Variants in ZSWIM6 observed in about 807,000 individuals in gnomAD.
ZSWIM6 encodes zinc finger SWIM-type containing 6, also known as zinc finger SWIM domain-containing protein 6.
A neutral mutation model predicts 113.2 loss-of-function variants in ZSWIM6; 9 were observed. The ratio of observed to expected loss-of-function variants is 0.08; its 90% CI spans 0.05 to 0.14. The LOEUF is 0.14. Among genes scored for constraint, ZSWIM6 ranks in the 10% least tolerant of loss-of-function variants. ZSWIM6 has a pLI of 1.00. For missense variants in ZSWIM6, 1,162 were observed against 1,552.2 expected, an observed-to-expected ratio of 0.75 and a Z score of 4.22; for synonymous variants, 611 against 606.5, an observed-to-expected ratio of 1.01 and a Z score of -0.11.
At chr5:61,485,677 G>A (rs548801640) in intron 2 of ZSWIM6, among the ~76,000 whole-genome samples, 24 of 152,232 alleles carry the variant, frequency 1.6e-4, no homozygotes, top group Admixed American at 1.3e-4. Flanking sequence ...CATTTCTGCT[G>A]TCATTGCTGT....
intron 1 of ZSWIM6, among the ~76,000 whole-genome samples, chr5:61,400,120 T>A (rs1745914831): frequency 6.6e-6 from 1 of 152,136 alleles, no homozygotes; most frequent in African/African-American, 2.4e-5. Context: ...ACTCTAGAGG[T>A]GGGGAACCGT....
chr5:61,416,340 C>T (rs775927142), intron 1 of ZSWIM6, among the ~76,000 whole-genome samples: 6 of 152,280 alleles, frequency 3.9e-5, no homozygotes, highest in African/African-American at 9.6e-5. Context: ...CCCGCAGAAA[C>T]GATGAGACTT....
At chr5:61,424,872 C>T (rs1406598237) in intron 1 of ZSWIM6, among the ~76,000 whole-genome samples, 2 of 151,868 alleles carry the variant, frequency 1.3e-5, no homozygotes, top group African/African-American at 2.4e-5. Flanking sequence ...GGATTACAGG[C>T]GCCCGCCACC....
At chr5:61,512,188 A>G (rs575615443) in intron 4 of ZSWIM6, among the ~76,000 whole-genome samples, 35 of 152,244 alleles carry the variant, frequency 2.3e-4, no homozygotes, top group Non-Finnish European at 4.1e-4. Context: ...TCGCCATTCC[A>G]GAATATCATA....
In ZSWIM6 at chr5:61,332,766, CCGCAACCTCG is replaced by C. The variant is rs1561194228; in HGVS notation, c.495_504del (p.Ala166ProfsTer51). ...TCTTCCCCGGCCGCAACCTCGGCGGCCGCAACCTCGGCCGCCGCCGCCGCTGCCGCCGCCG... is the reference window on the plus strand; with the variant it reads ...TCTTCCCCGGCCGCAACCTCGGCGGCGCCGCCGCCGCCGCTGCCGCCGCCG... On this transcript the variant is annotated frameshift_variant, in exon 1 of 14. Transcript: ENST00000252744. LOFTEE classifies it high-confidence loss of function. 6.7e-4 allele frequency: 498 copies of C among 745,002 alleles called. 8 individuals carry two copies. The East Asian group carries it at 9.2e-3, about 14-fold the overall frequency. The allele number at this position is 745,002 out of a possible 1,614,324, so 46.1% of individuals were successfully genotyped here. A position where few individuals can be genotyped will look rare whatever the true frequency, so the allele number is the denominator to read the frequency against.
At chr5:61,379,691 C>T (rs145001267) in intron 1 of ZSWIM6, among the ~76,000 whole-genome samples, 10 of 152,282 alleles carry the variant, frequency 6.6e-5, no homozygotes, top group African/African-American at 2.4e-4. Flanking sequence ...TTTGCACTCA[C>T]TGTTTATGGA....
Position 61,494,349 on chromosome 5 carries a change from A to G in ZSWIM6, c.1272A>G (p.Ser424=). 1 of 1,551,162 alleles carries G rather than the reference A, an allele frequency of 6.4e-7. No individual in the cohort carries two copies. Among genetic ancestry groups the G allele is most frequent in the Non-Finnish European group, 8.7e-7 (1 of 1,146,610 alleles). Residue 424 remains serine, a synonymous_variant, in exon 4 of 14, where the codon TCA becomes TCG. Transcript: ENST00000252744. ...AATTCATGGCTGACCCTCGCCTGTC[A>G]CTTTGGCGGCAACAAGGCACTGCAA... ...TEQFMADPRL[S]LWRQQGTAMT...
chr5:61,347,464 C>G (rs1280575497), intron 1 of ZSWIM6: 1 of 158,788 alleles, frequency 6.3e-6, no homozygotes, highest in Non-Finnish European at 1.4e-5. Flanking sequence ...AATGTTTGCA[C>G]TGGAGGGATT....
chr5:61,418,901 A>G (rs1416465398), intron 1 of ZSWIM6, among the ~76,000 whole-genome samples: 1 of 152,122 alleles, frequency 6.6e-6, no homozygotes, highest in African/African-American at 2.4e-5. Flanking sequence ...GGCTCACTGC[A>G]ACCTCCACCT....
At chr5:61,535,734 CTA>C (rs1400974990) in intron 10 of ZSWIM6, 115 bp downstream of exon 10, 1 of 1,323,232 alleles carries the variant, frequency 7.6e-7, no homozygotes, top group African/African-American at 1.5e-5. Flanking sequence ...GCTAAAGAAA[CTA>C]TGTATTTATG....
At chr5:61,406,389 G>A (rs1007924570) in intron 1 of ZSWIM6, among the ~76,000 whole-genome samples, 3 of 152,152 alleles carry the variant, frequency 2.0e-5, no homozygotes, top group Non-Finnish European at 4.4e-5. Flanking sequence ...ACCTGGTGTA[G>A]TAATCCCTAA....
chr5:61,471,821 C>T lies in ZSWIM6; in HGVS notation c.677-860C>T, dbSNP rs139766547. On this transcript the variant is annotated intron_variant, in intron 1 of 13. Coordinates refer to ENST00000252744, the MANE Select transcript of ZSWIM6 (RefSeq NM_020928.2). Reference sequence around the variant, plus strand: ...TCTTCCACAAAACTGGTCCCTGGTGCGAAAAAGGTTGGGGACCACTGTCAT... The same window carrying T: ...TCTTCCACAAAACTGGTCCCTGGTGTGAAAAAGGTTGGGGACCACTGTCAT... 4.1e-4 allele frequency among the ~76,000 whole-genome samples: 62 copies of T among 152,126 alleles called. 1 individual carries two copies. The highest frequency in any genetic ancestry group is 1.3e-3 in the African/African-American group (55 of 41,506).
At chr5:61,519,269 G>A (rs571354648) in intron 4 of ZSWIM6, among the ~76,000 whole-genome samples, 3 of 152,316 alleles carry the variant, frequency 2.0e-5, no homozygotes, top group African/African-American at 7.2e-5. Context: ...ACTTCTACCA[G>A]TTTGTACACA....
chr5:61,451,959 G>A (rs1036859818), intron 1 of ZSWIM6, among the ~76,000 whole-genome samples: 4 of 152,046 alleles, frequency 2.6e-5, no homozygotes, highest in Admixed American at 2.6e-4. Context: ...AAGTATGTAT[G>A]AGTTATAAAA....
chr5:61,461,739 T>C (rs886704650), intron 1 of ZSWIM6, among the ~76,000 whole-genome samples: 3 of 152,174 alleles, frequency 2.0e-5, no homozygotes, highest in Non-Finnish European at 4.4e-5. Flanking sequence ...AAAGCAGTTT[T>C]TTTTTCTTAT....
At chr5:61,466,278 T>C (rs752108169) in intron 1 of ZSWIM6, among the ~76,000 whole-genome samples, 2 of 152,214 alleles carry the variant, frequency 1.3e-5, no homozygotes, top group South Asian at 2.1e-4. Flanking sequence ...TACTATACAT[T>C]TAGCTAATGC....
intron 1 of ZSWIM6, among the ~76,000 whole-genome samples, chr5:61,405,147 T>C (rs767621130): frequency 1.3e-5 from 2 of 152,228 alleles, no homozygotes; most frequent in Non-Finnish European, 2.9e-5. Context: ...ATAATAGCTA[T>C]ATTTAAGGTG....
chr5:61,507,648 TTTTGTTAATTTAAGCTA>T (rs1381501509), intron 4 of ZSWIM6, among the ~76,000 whole-genome samples: 1 of 152,210 alleles, frequency 6.6e-6, no homozygotes, highest in East Asian at 1.9e-4. Flanking sequence ...TGCAGTTTTC[TTTTGTTAATTTAAGCTA>T]TTTGTAGATG....
At chr5:61,384,629 GGT>G (rs1257196235) in intron 1 of ZSWIM6, among the ~76,000 whole-genome samples, 2 of 152,178 alleles carry the variant, frequency 1.3e-5, no homozygotes, top group African/African-American at 4.8e-5. Flanking sequence ...CTCAGGTGCT[GGT>G]GGGGTGACTT....
Sources: gnomAD v4.1 joint callset for allele counts (sites outside exome capture counted in the v4.1 genomes callset) on GRCh38, gnomAD v4.1.1 for gene constraint, MANE v1.5 for transcripts, NCBI Gene and HGNC (gene_info 2026-07-23, HGNC 2026-07-21) for gene names.